LMX1A: variants seen among roughly 807,000 people sequenced by gnomAD.
LMX1A encodes LIM homeobox transcription factor 1-alpha.
LMX1A carries 15 observed loss-of-function variants against 49.1 expected under a neutral mutation model. The ratio of observed to expected loss-of-function variants is 0.31; its 90% CI spans 0.20 to 0.47. The LOEUF (loss-of-function observed/expected upper bound fraction) is 0.47, where lower values mean the gene tolerates loss of function less well. Among genes scored for constraint, LMX1A ranks in the 20% least tolerant of loss-of-function variants. The pLI, the probability that LMX1A is intolerant of heterozygous loss-of-function variation, is 1.00. For missense variants in LMX1A, 372 were observed against 475.8 expected, an observed-to-expected ratio of 0.78 and a Z score of 2.03; for synonymous variants, 167 against 185.7, an observed-to-expected ratio of 0.90 and a Z score of 0.82.
chr1:165,249,749 C>T (rs1300310738), intron 3 of LMX1A, 109 bp from the exon 4 acceptor site: 7 of 728,132 alleles, frequency 9.6e-6, no homozygotes, highest in South Asian at 5.2e-5. Context: ...GGGATATGAA[C>T]GTTAGAATGG....
At chr1:165,293,980 T>C (rs1485923729) in intron 3 of LMX1A, among the ~76,000 whole-genome samples, 2 of 152,002 alleles carry the variant, frequency 1.3e-5, no homozygotes, top group East Asian at 3.9e-4. Context: ...CATATAAGAG[T>C]TTTCTCACTG....
intron 3 of LMX1A, among the ~76,000 whole-genome samples, chr1:165,313,674 G>A (rs999996776): frequency 2.6e-5 from 4 of 151,958 alleles, no homozygotes; most frequent in African/African-American, 4.8e-5. Context: ...AGGAGCTGGG[G>A]GAATAAATTC....
chr1:165,331,488 G>A (rs1260761831), intron 3 of LMX1A, among the ~76,000 whole-genome samples: 1 of 152,108 alleles, frequency 6.6e-6, no homozygotes, highest in African/African-American at 2.4e-5. Flanking sequence ...GTGGCTACTA[G>A]GCTGTAGAAT....
chr1:165,254,678 G>C (rs1238071422), intron 3 of LMX1A, among the ~76,000 whole-genome samples: 1 of 152,128 alleles, frequency 6.6e-6, no homozygotes, highest in African/African-American at 2.4e-5. Context: ...CAAAAGTCCA[G>C]GTCATAATTA....
intron 3 of LMX1A, among the ~76,000 whole-genome samples, chr1:165,282,737 C>G (rs1171313360): frequency 1.3e-5 from 2 of 152,176 alleles, no homozygotes; most frequent in Non-Finnish European, 2.9e-5. Flanking sequence ...CTGTCCTTCA[C>G]CCCACTTCTA....
intron 4 of LMX1A, among the ~76,000 whole-genome samples, chr1:165,237,724 C>T (rs1266244548): frequency 1.3e-5 from 2 of 152,176 alleles, no homozygotes; most frequent in Admixed American, 1.3e-4. Flanking sequence ...CCTAGTTTGC[C>T]ACCAATCCTT....
chr1:165,318,213 C>A (rs1471980130), intron 3 of LMX1A, among the ~76,000 whole-genome samples: 1 of 152,126 alleles, frequency 6.6e-6, no homozygotes, highest in Non-Finnish European at 1.5e-5. Flanking sequence ...ATAATAACAC[C>A]ATAAAAATCA....
chr1:165,248,298 G>A (rs563908545), intron 4 of LMX1A, among the ~76,000 whole-genome samples: 1 of 152,254 alleles, frequency 6.6e-6, no homozygotes, highest in African/African-American at 2.4e-5. Context: ...GTGAAGGGTG[G>A]GAGTGATCAG....
chr1:165,329,381 G>A (rs532518589), intron 3 of LMX1A, among the ~76,000 whole-genome samples: 1 of 151,712 alleles, frequency 6.6e-6, no homozygotes, highest in African/African-American at 2.4e-5. Flanking sequence ...CTCCCACACA[G>A]AGGAGATGTG....
chr1:165,224,656 C>A (rs1405699954), intron 4 of LMX1A, among the ~76,000 whole-genome samples: 1 of 152,204 alleles, frequency 6.6e-6, no homozygotes, highest in Non-Finnish European at 1.5e-5. Context: ...TAATAATTAG[C>A]TGTTGAATAG....
At chr1:165,345,017 C>T (rs1414924218) in intron 3 of LMX1A, among the ~76,000 whole-genome samples, 3 of 152,138 alleles carry the variant, frequency 2.0e-5, no homozygotes, top group African/African-American at 7.2e-5. Flanking sequence ...TATTTCTGGG[C>T]CCAGGGGGAG....
At position 165,314,178 on chromosome 1, in the gene LMX1A, G is replaced by T. The variant is rs541818819; in HGVS notation, c.263+38898C>A. 1.6e-4 allele frequency among the ~76,000 whole-genome samples: 24 copies of T among 152,362 alleles called. No homozygotes were observed. In the South Asian group the frequency reaches 5.0e-3, roughly 32 times the overall value. On this transcript the variant is annotated intron_variant, in intron 3 of 8. Coordinates refer to ENST00000342310, the MANE Select transcript of LMX1A (RefSeq NM_177398.4). Reference sequence around the variant, plus strand: ...AGCCATTTGTATGGAACATTCCTAAGGGTGGCAGCGGTTGGGGGAGTGACA... The same window carrying T: ...AGCCATTTGTATGGAACATTCCTAATGGTGGCAGCGGTTGGGGGAGTGACA...
chr1:165,325,459 ATATG>A (rs1182097000), intron 3 of LMX1A, among the ~76,000 whole-genome samples: 1 of 32,240 alleles, frequency 3.1e-5, no homozygotes, highest in African/African-American at 7.5e-5. Context: ...ATGTATATAC[ATATG>A]TGTGTGTGTG....
At chr1:165,346,714 GCTGTCTAATGC>G (rs1656256798) in intron 3 of LMX1A, among the ~76,000 whole-genome samples, 3 of 152,180 alleles carry the variant, frequency 2.0e-5, no homozygotes, top group African/African-American at 7.2e-5. Context: ...AGTTGCATCT[GCTGTCTAATGC>G]CAAAAGAAAC....
chr1:165,278,815 G>A (rs1228817820), intron 3 of LMX1A, among the ~76,000 whole-genome samples: 1 of 152,212 alleles, frequency 6.6e-6, no homozygotes, highest in Admixed American at 6.5e-5. Context: ...ACTCAAAGAG[G>A]CTGACAGAGT....
chr1:165,316,591 G>A (rs531675792), intron 3 of LMX1A, among the ~76,000 whole-genome samples: 1 of 152,218 alleles, frequency 6.6e-6, no homozygotes, highest in Non-Finnish European at 1.5e-5. Context: ...TTCCCGGCTG[G>A]TACTGAGACA....
chr1:165,265,704 T>A (rs1653600862), intron 3 of LMX1A, among the ~76,000 whole-genome samples: 1 of 152,166 alleles, frequency 6.6e-6, no homozygotes, highest in Non-Finnish European at 1.5e-5. Flanking sequence ...TAGACTTCAG[T>A]CATGGGCTGA....
intron 4 of LMX1A, chr1:165,218,316 C>T (rs965132095): frequency 6.6e-6 from 1 of 152,264 alleles, no homozygotes; most frequent in African/African-American, 2.4e-5. Flanking sequence ...AATGCCACTA[C>T]CCAACAGTCA....
chr1:165,301,775 G>A (rs1241746498), intron 3 of LMX1A, among the ~76,000 whole-genome samples: 3 of 152,034 alleles, frequency 2.0e-5, no homozygotes, highest in African/African-American at 7.3e-5. Flanking sequence ...GAACAAACTG[G>A]TTCTTTTCTT....
Sources: gnomAD v4.1 joint callset for allele counts (sites outside exome capture counted in the v4.1 genomes callset) on GRCh38, gnomAD v4.1.1 for gene constraint, MANE v1.5 for transcripts, NCBI Gene and HGNC (gene_info 2026-07-23, HGNC 2026-07-21) for gene names.